Variants in UBAC2 observed in about 807,000 individuals in gnomAD.
UBAC2 encodes the protein ubiquitin-associated domain-containing protein 2.
Under a neutral mutation model 44.0 loss-of-function variants are expected in UBAC2, and 26 were observed. That is an observed-to-expected ratio of 0.59 (90% CI 0.43 to 0.82). The LOEUF (loss-of-function observed/expected upper bound fraction) is 0.82. Among genes scored for constraint, UBAC2 ranks in the 40% least tolerant of loss-of-function variants. UBAC2 has a pLI of 0.00. For missense variants in UBAC2, 329 were observed against 419.4 expected (o/e 0.78, Z 1.88); for synonymous variants, 155 against 154.3 (o/e 1.00, Z -0.04).
chr13:99,234,178 T>TTC (rs2043208229), intron 1 of UBAC2, among the ~76,000 whole-genome samples: 1 of 119,582 alleles, frequency 8.4e-6, no homozygotes, highest in South Asian at 3.1e-4. Flanking sequence ...TTTCTTTTTT[T>TTC]TTTTTTTTTT....
At chr13:99,268,862 G>A (rs543807908) in intron 4 of UBAC2, among the ~76,000 whole-genome samples, 1 of 152,096 alleles carries the variant, frequency 6.6e-6, no homozygotes, top group East Asian at 1.9e-4. Flanking sequence ...GGTGGAGATG[G>A]AGATTGGCCA....
chr13:99,203,316 G>A (rs1476545317), intron 1 of UBAC2, among the ~76,000 whole-genome samples: 2 of 152,270 alleles, frequency 1.3e-5, no homozygotes, highest in African/African-American at 2.4e-5. Context: ...GATTACAGGC[G>A]TGAGCCACTG....
chr13:99,357,806 T>C (rs898248619), intron 7 of UBAC2, among the ~76,000 whole-genome samples: 3 of 152,238 alleles, frequency 2.0e-5, no homozygotes, highest in African/African-American at 7.2e-5. Context: ...CACCTGGGTC[T>C]TCATATCCCA....
At chr13:99,256,635 C>T (rs4611317) in intron 4 of UBAC2, 1 of 149,962 alleles carries the variant, frequency 6.7e-6, no homozygotes, top group Non-Finnish European at 1.5e-5. Context: ...AAAGGAGTAT[C>T]TAAGACAAGT....
At chr13:99,246,931 A>ATC (rs1164169672) in intron 4 of UBAC2, among the ~76,000 whole-genome samples, 2 of 152,342 alleles carry the variant, frequency 1.3e-5, no homozygotes, top group East Asian at 3.9e-4. Flanking sequence ...TCTCAAACAT[A>ATC]GACTTTTTGG....
intron 4 of UBAC2, among the ~76,000 whole-genome samples, chr13:99,249,125 C>A (rs955766006): frequency 6.6e-6 from 1 of 152,070 alleles, no homozygotes; most frequent in Non-Finnish European, 1.5e-5. Flanking sequence ...TCCTGTCACC[C>A]AGGTAGTGAG....
Position 99,243,950 on chromosome 13 carries a change from C to T in UBAC2, c.278C>T (p.Ala93Val). The T allele has an allele frequency of 6.5e-7, 1 of 1,527,554 alleles. No homozygotes were observed. The highest frequency in any genetic ancestry group is 2.3e-5 in the Admixed American group (1 of 43,650). The allele number at this position is 1,527,554 out of a possible 1,614,324, so 94.6% of individuals were successfully genotyped here. A position where few individuals can be genotyped will look rare whatever the true frequency, so the allele number is the denominator to read the frequency against. The change falls in exon 3 of 9, where the codon GCA becomes GTA. Residue 93 changes from alanine (A) to valine (V), a missense_variant and splice_region_variant. Transcript: ENST00000403766. ...FERRYGSRKFASFLLGSWVLS... is the reference protein window; with the variant it reads ...FERRYGSRKFVSFLLGSWVLS... The stretch of plus-strand genomic sequence containing the variant: ...AGAAGATATGGAAGCAGAAAATTTG[C>T]AGTAAGTTTTTATGTATTTTGTCTT...
chr13:99,345,902 C>A (rs1445409852), intron 7 of UBAC2, among the ~76,000 whole-genome samples: 1 of 151,930 alleles, frequency 6.6e-6, no homozygotes, highest in African/African-American at 2.4e-5. Context: ...ACCACCACAT[C>A]CGGCTAATTT....
rs925556891 is a variant in UBAC2, at chr13:99,385,999, G to C, written c.*664G>C. The C allele has an allele frequency of 6.6e-6, 1 of 152,570 alleles. No individual in the cohort carries two copies. The highest frequency in any genetic ancestry group is 1.5e-5 in the Non-Finnish European group (1 of 68,170). The allele number at this position is 152,570 out of a possible 1,614,324, so 9.5% of individuals were successfully genotyped here. ...TATCCAGAGTTAGCCACTAGGCTGCGGGTGAAATGGGATGGAGAAGAACAA... is the reference window on the plus strand; with the variant it reads ...TATCCAGAGTTAGCCACTAGGCTGCCGGTGAAATGGGATGGAGAAGAACAA... On this transcript the variant is annotated 3_prime_UTR_variant, in exon 9 of 9. Coordinates refer to ENST00000403766, the MANE Select transcript of UBAC2 (RefSeq NM_001144072.2).
intron 1 of UBAC2, 154 bp downstream of exon 1, chr13:99,201,093 G>A (rs1475283629): frequency 7.4e-7 from 1 of 1,350,910 alleles, no homozygotes; most frequent in Non-Finnish European, 9.6e-7. Flanking sequence ...TCCCGGTCTT[G>A]GGGGTCAGCG....
intron 1 of UBAC2, among the ~76,000 whole-genome samples, chr13:99,206,699 G>A (rs911082282): frequency 4.6e-5 from 7 of 152,196 alleles, no homozygotes; most frequent in African/African-American, 1.4e-4. Context: ...CTGGGCCCTT[G>A]GCACCGTTTC....
chr13:99,261,381 G>A (rs1249317788), intron 4 of UBAC2, among the ~76,000 whole-genome samples: 1 of 152,200 alleles, frequency 6.6e-6, no homozygotes, highest in East Asian at 1.9e-4. Flanking sequence ...GTGTAGGGGA[G>A]ATATGTTGAA....
chr13:99,310,464 A>G (rs1174635972), intron 4 of UBAC2, among the ~76,000 whole-genome samples: 1 of 152,252 alleles, frequency 6.6e-6, no homozygotes, highest in African/African-American at 2.4e-5. Flanking sequence ...GTCAAACTGA[A>G]TTACTGTTGA....
At position 99,305,387 on chromosome 13, in the gene UBAC2, T is replaced by C. The variant is rs376739193; in HGVS notation, c.390-8710T>C. ...CCACGCGTCCTCTACACAGGCCACGTCCAGGGCTGCCTAACAACTCCAGCA... is the reference window on the plus strand; with the variant it reads ...CCACGCGTCCTCTACACAGGCCACGCCCAGGGCTGCCTAACAACTCCAGCA... On this transcript the variant is annotated intron_variant, in intron 4 of 8. Transcript: ENST00000403766. 5.3e-5 allele frequency among the ~76,000 whole-genome samples: 8 copies of C among 152,310 alleles called. No individual in the cohort carries two copies. In the East Asian group the frequency reaches 1.4e-3, roughly 26 times the overall value.
chr13:99,316,300 T>C (rs890220761), intron 5 of UBAC2, among the ~76,000 whole-genome samples: 1 of 151,972 alleles, frequency 6.6e-6, no homozygotes, highest in African/African-American at 2.4e-5. Flanking sequence ...CTGAACTCCT[T>C]TGTGCTAAAA....
At chr13:99,368,641 T>C (rs1306538583) in intron 8 of UBAC2, among the ~76,000 whole-genome samples, 9 of 152,000 alleles carry the variant, frequency 5.9e-5, no homozygotes, top group African/African-American at 2.2e-4. Flanking sequence ...GGGAGAACCC[T>C]GTGGGGTTGG....
At chr13:99,316,638 C>T (rs1475037689) in intron 5 of UBAC2, among the ~76,000 whole-genome samples, 1 of 152,230 alleles carries the variant, frequency 6.6e-6, no homozygotes, top group African/African-American at 2.4e-5. Flanking sequence ...CATGAGAAAA[C>T]ACACAGATAC....
chr13:99,355,296 T>C (rs731150), intron 7 of UBAC2, among the ~76,000 whole-genome samples: 38,220 of 152,138 alleles, frequency 0.25, 6,002 homozygotes, highest in Non-Finnish European at 0.35. Flanking sequence ...GAAAACAGAA[T>C]ATACGATGCA....
intron 1 of UBAC2, chr13:99,215,908 TGTG>T (rs1188451465): frequency 1.7e-4 from 73 of 419,164 alleles, no homozygotes; most frequent in African/African-American, 1.4e-3. Flanking sequence ...AAAATCTTGA[TGTG>T]GTGCTAGTCT....
Sources: gnomAD v4.1 joint callset for allele counts (sites outside exome capture counted in the v4.1 genomes callset) on GRCh38, gnomAD v4.1.1 for gene constraint, MANE v1.5 for transcripts, NCBI Gene and HGNC (gene_info 2026-07-23, HGNC 2026-07-21) for gene names.